Variants in TMEM38B observed in about 807,000 individuals in gnomAD.
TMEM38B encodes transmembrane protein 38B, also known as trimeric intracellular cation channel type B.
In TMEM38B, 24 loss-of-function variants were observed where a neutral mutation model predicts 28.7. The ratio of observed to expected loss-of-function variants is 0.84; its 90% CI spans 0.61 to 1.18. TMEM38B has a LOEUF of 1.18. TMEM38B is among the 50% of genes most tolerant of loss of function. The pLI, the probability that TMEM38B is intolerant of heterozygous loss-of-function variation, is 0.00. For synonymous variants in TMEM38B, 131 were observed against 127.7 expected (o/e 1.03, Z -0.17); for missense variants, 380 against 350.9 (o/e 1.08, Z -0.66).
At chr9:105,724,664 GAT>G (rs1195623447) in intron 4 of TMEM38B, among the ~76,000 whole-genome samples, 2 of 151,862 alleles carry the variant, frequency 1.3e-5, no homozygotes, top group African/African-American at 4.8e-5. Context: ...CAGTACAAGT[GAT>G]GAAGTACATT....
In TMEM38B at chr9:105,774,543, C is replaced by T. The variant is rs1826666534; in HGVS notation, c.*463C>T. On this transcript the variant is annotated 3_prime_UTR_variant, in exon 6 of 6. Coordinates refer to ENST00000374692, the MANE Select transcript of TMEM38B (RefSeq NM_018112.3). ...AGAACAATTCCTATTTTATTTTGAA[C>T]ACTGAGAAGAGTAAACTTTTCCTAA... is the stretch of plus-strand genomic sequence containing the variant. 6.6e-6 allele frequency: 1 copy of T among 152,204 alleles called. No individual in the cohort carries two copies. The highest frequency in any genetic ancestry group is 1.5e-5 in the Non-Finnish European group (1 of 67,954). 9.4% of individuals were successfully genotyped at this position (152,204 alleles called of 1,614,324 possible).
chr9:105,715,364 G>A (rs1836057923), intron 2 of TMEM38B, among the ~76,000 whole-genome samples: 1 of 151,244 alleles, frequency 6.6e-6, no homozygotes, highest in Non-Finnish European at 1.5e-5. Flanking sequence ...TTTCATTAAG[G>A]TCCAGTCATT....
At chr9:105,742,812 T>C (rs1037480835) in intron 4 of TMEM38B, among the ~76,000 whole-genome samples, 1 of 152,176 alleles carries the variant, frequency 6.6e-6, no homozygotes, top group Admixed American at 6.5e-5. Context: ...TTAAAACAGA[T>C]ATAATTCCAT....
intron 5 of TMEM38B, chr9:105,759,436 A>C: frequency 6.4e-7 from 1 of 1,559,362 alleles, no homozygotes; most frequent in Middle Eastern, 1.7e-4. Context: ...ATTTCAAGAA[A>C]GATGTGCTAA....
chr9:105,759,397 A>T, intron 5 of TMEM38B: 1 of 1,478,154 alleles, frequency 6.8e-7, no homozygotes, highest in Non-Finnish European at 9.3e-7. Flanking sequence ...ATAAGATTCT[A>T]CTGAGAGACT....
In TMEM38B at chr9:105,721,601, C is replaced by T. The variant is rs1227911445; in HGVS notation, c.334C>T (p.Leu112=). 6.2e-7 allele frequency: 1 copy of T among 1,613,598 alleles called. No individual in the cohort carries two copies. Among genetic ancestry groups the T allele is most frequent in the Admixed American group, 1.7e-5 (1 of 59,978 alleles). ...GGGCTATTCATATCTACCTGTTCAACTACTGGCTTCGGGAATGAAGGAAGT... is the reference window on the plus strand; with the variant it reads ...GGGCTATTCATATCTACCTGTTCAATTACTGGCTTCGGGAATGAAGGAAGT... ...SQGYSYLPVQ[L]LASGMKEVTR... Residue 112 remains leucine, a synonymous_variant, in exon 3 of 6, where the codon CTA becomes TTA. Transcript: ENST00000374692.
intron 4 of TMEM38B, among the ~76,000 whole-genome samples, chr9:105,724,778 TAA>T (rs896256537): frequency 5.3e-5 from 8 of 152,226 alleles, no homozygotes; most frequent in Non-Finnish European, 1.0e-4. Flanking sequence ...TGATTAACGA[TAA>T]GTTATAAATA....
chr9:105,758,148 G>T, intron 5 of TMEM38B: 1 of 569,192 alleles, frequency 1.8e-6, no homozygotes, highest in Non-Finnish European at 3.2e-6. Flanking sequence ...GGACGCCAGT[G>T]GGCACTGACA....
At chr9:105,761,592 TAAC>T (rs1260166966) in intron 5 of TMEM38B, among the ~76,000 whole-genome samples, 2 of 152,172 alleles carry the variant, frequency 1.3e-5, no homozygotes, top group Non-Finnish European at 2.9e-5. Flanking sequence ...ATGCTTAAAA[TAAC>T]AACATTACCT....
At chr9:105,734,293 G>A (rs965391040) in intron 4 of TMEM38B, among the ~76,000 whole-genome samples, 2 of 151,908 alleles carry the variant, frequency 1.3e-5, no homozygotes, top group Admixed American at 6.6e-5. Context: ...ATACTATTGT[G>A]GTCAAAATGA....
At chr9:105,697,583 T>G (rs141301892) in intron 1 of TMEM38B, among the ~76,000 whole-genome samples, 86 of 152,310 alleles carry the variant, frequency 5.6e-4, no homozygotes, top group African/African-American at 1.9e-3. Context: ...AATTTTTTTT[T>G]GTCCATTTTC....
chr9:105,713,494 C>T (rs1300594470), intron 2 of TMEM38B, among the ~76,000 whole-genome samples: 1 of 152,200 alleles, frequency 6.6e-6, no homozygotes, highest in Non-Finnish European at 1.5e-5. Context: ...GCTGACGTGC[C>T]AGCCCCCTGC....
chr9:105,720,695 T>C (rs541333312), intron 2 of TMEM38B, among the ~76,000 whole-genome samples: 147 of 152,244 alleles, frequency 9.7e-4, no homozygotes, highest in African/African-American at 3.4e-3. Context: ...AAAAGAGATA[T>C]GATATTCTTT....
intron 5 of TMEM38B, among the ~76,000 whole-genome samples, chr9:105,773,142 T>C (rs1355520851): frequency 1.3e-5 from 2 of 152,176 alleles, no homozygotes; most frequent in Non-Finnish European, 2.9e-5. Flanking sequence ...CTCCCAGATT[T>C]ATTTTGGCAT....
rs895072413 is a variant in TMEM38B, at chr9:105,716,274, C to T, written c.270-5263C>T. On this transcript the variant is annotated intron_variant, in intron 2 of 5. Transcript: ENST00000374692. ...GGGTCAGTTTCAAAAGCTTAAAGCT[C>T]AGAGGGACTAAATTGTTCCAACCCT... Among the ~76,000 whole-genome samples, 3 of 152,116 alleles carry T rather than the reference C, an allele frequency of 2.0e-5. No homozygotes were observed. The East Asian group carries it at 5.8e-4, about 29-fold the overall frequency.
chr9:105,721,157 A>G (rs1836302599), intron 2 of TMEM38B, among the ~76,000 whole-genome samples: 1 of 152,178 alleles, frequency 6.6e-6, no homozygotes, highest in South Asian at 2.1e-4. Flanking sequence ...TTCCCAGAGG[A>G]CAAAGACACT....
chr9:105,760,130 G>A (rs1450492074), intron 5 of TMEM38B: 1 of 882,464 alleles, frequency 1.1e-6, no homozygotes, highest in African/African-American at 1.6e-5. Flanking sequence ...CTACAATTGT[G>A]TCGTTTGTTA....
rs1249689225 is a variant in TMEM38B, at chr9:105,721,553, TGCCCGCATGA to T, written c.287_296del (p.Cys96SerfsTer2). On this transcript the variant is annotated frameshift_variant, in exon 3 of 6. Coordinates refer to ENST00000374692, the MANE Select transcript of TMEM38B (RefSeq NM_018112.3). LOFTEE classifies it high-confidence loss of function. ...CATTTTCAGGTATATTACATTTTTTTGCCCGCATGACCTAGTTTCCCAGGGCTATTCATAT... is the reference window on the plus strand; with the variant it reads ...CATTTTCAGGTATATTACATTTTTTTCCTAGTTTCCCAGGGCTATTCATAT... 6.3e-7 allele frequency: 1 copy of T among 1,598,542 alleles called. No individual in the cohort carries two copies. Among genetic ancestry groups the T allele is most frequent in the Non-Finnish European group, 8.5e-7 (1 of 1,173,734 alleles).
intron 5 of TMEM38B, among the ~76,000 whole-genome samples, chr9:105,752,352 A>C (rs1837685280): frequency 6.6e-6 from 1 of 152,114 alleles, no homozygotes; most frequent in Non-Finnish European, 1.5e-5. Context: ...CGGGTCCCTG[A>C]TCCTGTTCCT....
Sources: allele counts gnomAD v4.1 joint callset (sites outside exome capture counted in the v4.1 genomes callset), GRCh38; gene constraint gnomAD v4.1.1; transcripts MANE v1.5; gene names NCBI Gene and HGNC (gene_info 2026-07-23, HGNC 2026-07-21).